PTPRM: variants seen among roughly 807,000 people sequenced by gnomAD.
PTPRM encodes the protein protein tyrosine phosphatase receptor type M.
In PTPRM, 47 loss-of-function variants were observed where a neutral mutation model predicts 186.7. The observed-to-expected ratio is 0.25, with a 90% CI of 0.20 to 0.32. The LOEUF (loss-of-function observed/expected upper bound fraction) is 0.32. PTPRM is among the 10% of genes least tolerant of loss of function. The pLI, the probability that PTPRM is intolerant of heterozygous loss-of-function variation, is 1.00. For missense variants in PTPRM, 1,494 were observed against 1,865.0 expected, an observed-to-expected ratio of 0.80 and a Z score of 3.66; for synonymous variants, 668 against 674.9, an observed-to-expected ratio of 0.99 and a Z score of 0.16.
At chr18:8,368,844 T>A (rs2095647900) in intron 23 of PTPRM, among the ~76,000 whole-genome samples, 2 of 152,222 alleles carry the variant, frequency 1.3e-5, no homozygotes, top group East Asian at 1.9e-4. Context: ...GACACAGCGA[T>A]CAGGTGTTGC....
chr18:8,165,183 A>G (rs1464633082), intron 14 of PTPRM, among the ~76,000 whole-genome samples: 2 of 148,988 alleles, frequency 1.3e-5, no homozygotes, highest in Admixed American at 1.3e-4. Context: ...AAAAAAAAAA[A>G]GAAAGAAAGA....
chr18:8,279,134 A>G (rs1173606465), intron 19 of PTPRM, among the ~76,000 whole-genome samples: 1 of 152,136 alleles, frequency 6.6e-6, no homozygotes, highest in Non-Finnish European at 1.5e-5. Context: ...AGGTTGTGAG[A>G]TCCCCTTTTT....
chr18:8,130,862 T>C (rs1377648052), intron 13 of PTPRM, among the ~76,000 whole-genome samples: 3 of 152,224 alleles, frequency 2.0e-5, no homozygotes, highest in Non-Finnish European at 4.4e-5. Context: ...TCTTGATCTC[T>C]CAACATCTCA....
intron 13 of PTPRM, among the ~76,000 whole-genome samples, chr18:8,126,130 A>C (rs2092357939): frequency 6.7e-6 from 1 of 149,646 alleles, no homozygotes; most frequent in East Asian, 2.0e-4. Flanking sequence ...TTCCCAGTGT[A>C]GCCCACAGGC....
intron 5 of PTPRM, among the ~76,000 whole-genome samples, chr18:7,929,050 A>G (rs954054112): frequency 6.6e-6 from 1 of 152,138 alleles, no homozygotes; most frequent in African/African-American, 2.4e-5. Context: ...TTTTTTCACA[A>G]ATGTCTTGTC....
chr18:7,950,007 G>A (rs1224797781), intron 6 of PTPRM, among the ~76,000 whole-genome samples: 2 of 152,014 alleles, frequency 1.3e-5, no homozygotes, highest in Admixed American at 1.3e-4. Flanking sequence ...AGGATAATTT[G>A]GACTTTGAGG....
intron 2 of PTPRM, among the ~76,000 whole-genome samples, chr18:7,828,243 A>C (rs924960825): frequency 1.1e-4 from 17 of 148,112 alleles, no homozygotes; most frequent in Admixed American, 5.4e-4. Context: ...TTCTTTTTTT[A>C]TTTTTATTTT....
At chr18:7,920,820 G>A (rs1286598748) in intron 4 of PTPRM, among the ~76,000 whole-genome samples, 1 of 151,942 alleles carries the variant, frequency 6.6e-6, no homozygotes, top group Non-Finnish European at 1.5e-5. Flanking sequence ...TTGTTTGTCT[G>A]GGAAAGACTT....
At chr18:7,652,741 T>G (rs2038745203) in intron 1 of PTPRM, among the ~76,000 whole-genome samples, 1 of 108,856 alleles carries the variant, frequency 9.2e-6, no homozygotes, top group Non-Finnish European at 1.7e-5. Flanking sequence ...CATCACACTC[T>G]GGGGACTGTT....
At chr18:7,804,917 C>T (rs1046124081) in intron 2 of PTPRM, among the ~76,000 whole-genome samples, 4 of 152,202 alleles carry the variant, frequency 2.6e-5, no homozygotes, top group Non-Finnish European at 5.9e-5. Flanking sequence ...TACGTAATGA[C>T]ATTCTGCTCC....
intron 1 of PTPRM, among the ~76,000 whole-genome samples, chr18:7,682,093 A>C (rs948301046): frequency 7.2e-5 from 11 of 152,190 alleles, no homozygotes; most frequent in African/African-American, 2.4e-4. Context: ...AGCTGAGATT[A>C]TATGTTGGTC....
chr18:8,251,315 C>T (rs892376478), intron 17 of PTPRM, among the ~76,000 whole-genome samples: 6 of 152,100 alleles, frequency 3.9e-5, no homozygotes, highest in South Asian at 2.1e-4. Context: ...ACTGAGAGAA[C>T]GAGAGAGGCA....
chr18:8,399,060 C>G (rs1389258841), intron 32 of PTPRM, among the ~76,000 whole-genome samples: 1 of 152,168 alleles, frequency 6.6e-6, no homozygotes, highest in Non-Finnish European at 1.5e-5. Flanking sequence ...GTCTAATTGG[C>G]TTGTATTAGT....
rs368781364 is a variant in PTPRM, at chr18:8,264,793, AG to A, written c.2754+11380del. ...CCATCTCAAAAAAAAAAAAAAAAAA[AG>A]AGTACACACCTACACACACAGCACA... On this transcript the variant is annotated intron_variant, in intron 19 of 32. Coordinates refer to ENST00000580170, the MANE Select transcript of PTPRM (RefSeq NM_001105244.2). Among the ~76,000 whole-genome samples the A allele has an allele frequency of 4.9e-4, 62 of 126,504 alleles. 1 individual carries two copies. The highest frequency in any genetic ancestry group is 1.1e-3 in the Admixed American group (13 of 11,860). 83.0% of individuals were successfully genotyped at this position (126,504 alleles called of 152,430 possible).
At chr18:8,067,687 A>T (rs1166951042) in intron 7 of PTPRM, among the ~76,000 whole-genome samples, 1 of 152,234 alleles carries the variant, frequency 6.6e-6, no homozygotes. Flanking sequence ...TAATTGATGG[A>T]GAAAACAGAC....
chr18:8,033,766 A>G (rs2086151380), intron 7 of PTPRM, among the ~76,000 whole-genome samples: 1 of 152,250 alleles, frequency 6.6e-6, no homozygotes, highest in Non-Finnish European at 1.5e-5. Context: ...TTATGGACTG[A>G]TAACCTTTTA....
chr18:8,170,769 C>G (rs1210970362), intron 14 of PTPRM, among the ~76,000 whole-genome samples: 1 of 152,106 alleles, frequency 6.6e-6, no homozygotes, highest in Non-Finnish European at 1.5e-5. Flanking sequence ...AGTAGAAGGC[C>G]ATGAGATCAT....
At chr18:8,191,538 C>A (rs919185425) in intron 14 of PTPRM, among the ~76,000 whole-genome samples, 1 of 152,114 alleles carries the variant, frequency 6.6e-6, no homozygotes, top group African/African-American at 2.4e-5. Flanking sequence ...GTACATGGAG[C>A]CAAGCCTTCT....
intron 1 of PTPRM, among the ~76,000 whole-genome samples, chr18:7,584,927 C>T (rs1241274171): frequency 2.0e-5 from 3 of 152,146 alleles, no homozygotes; most frequent in African/African-American, 7.2e-5. Context: ...GAGGGTTTGT[C>T]GTTAAGGAGC....
Sources: gnomAD v4.1 joint callset for allele counts (sites outside exome capture counted in the v4.1 genomes callset) on GRCh38, gnomAD v4.1.1 for gene constraint, MANE v1.5 for transcripts, NCBI Gene and HGNC (gene_info 2026-07-23, HGNC 2026-07-21) for gene names.